Variants in BBC3 observed in about 807,000 individuals in gnomAD.
BBC3 encodes BCL2 binding component 3.
A neutral mutation model predicts 18.2 loss-of-function variants in BBC3; 5 were observed. That is an observed-to-expected ratio of 0.27 (90% CI 0.14 to 0.58). BBC3 has a LOEUF of 0.58. BBC3 is among the 20% of genes least tolerant of loss of function. The pLI, the probability that BBC3 is intolerant of heterozygous loss-of-function variation, is 0.91. For synonymous variants in BBC3, 119 were observed against 128.0 expected, an observed-to-expected ratio of 0.93 and a Z score of 0.47; for missense variants, 224 against 268.9, an observed-to-expected ratio of 0.83 and a Z score of 1.17.
At chr19:47,232,449 G>C (rs2058923504), upstream of BBC3, 1 of 1,428,724 alleles carries the variant, frequency 7.0e-7, no homozygotes, top group East Asian at 2.5e-5. Flanking sequence ...AGTCACACCT[G>C]TGACAGCTTC....
At chr19:47,226,413 T>C in intron 3 of BBC3, 151 bp downstream of exon 3, 1 of 501,334 alleles carries the variant, frequency 2.0e-6, no homozygotes, top group South Asian at 2.6e-5. Context: ...GGGCGCGCGA[T>C]TCCCCCCCAC....
chr19:47,228,175 C>T lies in BBC3; in HGVS notation c.257G>A (p.Arg86Gln). 9.0e-7 allele frequency: 1 copy of T among 1,107,350 alleles called. No homozygotes were observed. Among genetic ancestry groups the T allele is most frequent in the Non-Finnish European group, 1.1e-6 (1 of 910,564 alleles). 68.6% of individuals were successfully genotyped at this position (1,107,350 alleles called of 1,614,324 possible). A position where few individuals can be genotyped will look rare whatever the true frequency, so the allele number is the denominator to read the frequency against. Reference sequence around the variant, plus strand: ...GCACTCACCGTCCGGGCGCGGGCCTCGGGGCCGGCTGCGGGGACCCCCAGG... The same window carrying T: ...GCACTCACCGTCCGGGCGCGGGCCTTGGGGCCGGCTGCGGGGACCCCCAGG... ...RWPGGPRSRP[R>Q]GPRPDGPQPS... Residue 86 changes from arginine (R) to glutamine (Q), a missense_variant, in exon 2 of 4, where the codon CGA becomes CAA. Transcript: ENST00000439096. The surrounding 1 kb of genome is among the most constrained non-coding windows in gnomAD (Gnocchi z 5.5).
At chr19:47,224,883 C>T (rs1019999241) in intron 3 of BBC3, among the ~76,000 whole-genome samples, 2 of 151,550 alleles carry the variant, frequency 1.3e-5, no homozygotes, top group South Asian at 2.1e-4. Flanking sequence ...GGATTACTGG[C>T]GTGTGCCACC....
In BBC3 at chr19:47,221,433, C is replaced by T. The variant is rs542241792; in HGVS notation, c.*369G>A. ...AGGAGCACCGAGAGGAGAGCCCCCCCCTCCCAGTGTCACCCCTGCAGCTGG... is the reference window on the plus strand; with the variant it reads ...AGGAGCACCGAGAGGAGAGCCCCCCTCTCCCAGTGTCACCCCTGCAGCTGG... On this transcript the variant is annotated 3_prime_UTR_variant, in exon 4 of 4. Coordinates refer to ENST00000439096, the MANE Select transcript of BBC3 (RefSeq NM_014417.5). 1.2e-5 allele frequency: 3 copies of T among 254,386 alleles called. No individual in the cohort carries two copies. The highest frequency in any genetic ancestry group is 2.1e-5 in the Non-Finnish European group (3 of 142,336). 15.8% of individuals were successfully genotyped at this position (254,386 alleles called of 1,614,324 possible). A position where few individuals can be genotyped will look rare whatever the true frequency, so the allele number is the denominator to read the frequency against.
chr19:47,222,138 T>G, intron 3 of BBC3: 5 of 491,746 alleles, frequency 1.0e-5, no homozygotes, highest in South Asian at 3.4e-5. Context: ...AGCAGAGAGC[T>G]GGGCACCAAG....
At position 47,230,711 on chromosome 19, in the gene BBC3, C is replaced by T. The variant is rs1365799209; in HGVS notation, c.-16+218G>A. On this transcript the variant is annotated intron_variant, in intron 1 of 3. Coordinates refer to ENST00000439096, the MANE Select transcript of BBC3 (RefSeq NM_014417.5). This position sits in a 1 kb window ranked among gnomAD's most constrained non-coding sequence, Gnocchi z 6.7. Reference sequence around the variant, plus strand: ...ATTGTTTGTAAACAAACCCGCCAGACCGCCGAGGCACCTGTGCGCCCAGAC... The same window carrying T: ...ATTGTTTGTAAACAAACCCGCCAGATCGCCGAGGCACCTGTGCGCCCAGAC... 3 of 984,936 alleles carry T rather than the reference C, an allele frequency of 3.0e-6. No homozygotes were observed. Among genetic ancestry groups the T allele is most frequent in the Non-Finnish European group, 3.6e-6 (3 of 829,530 alleles). The allele number at this position is 984,936 out of a possible 1,614,324, so 61.0% of individuals were successfully genotyped here. A position where few individuals can be genotyped will look rare whatever the true frequency, so the allele number is the denominator to read the frequency against.
rs968369037 is a variant in BBC3 at position 47,231,047 on chromosome 19, C to T, written c.-134G>A. The T allele has an allele frequency of 3.5e-5, 34 of 978,008 alleles. No homozygotes were observed. Among genetic ancestry groups the T allele is most frequent in the Non-Finnish European group, 3.9e-5 (32 of 822,532 alleles). The allele number at this position is 978,008 out of a possible 1,614,324, so 60.6% of individuals were successfully genotyped here. On this transcript the variant is annotated 5_prime_UTR_variant, in exon 1 of 4. Coordinates refer to ENST00000439096, the MANE Select transcript of BBC3 (RefSeq NM_014417.5). This position sits in a 1 kb window ranked among gnomAD's most constrained non-coding sequence, Gnocchi z 4.0. ...GCTGCTGCTGTGGCTGTCGCTGCTG[C>T]TGCCGCTCTAACTGCAGTGGCGGCT...
intron 1 of BBC3, among the ~76,000 whole-genome samples, chr19:47,229,719 T>C (rs2058886721): frequency 6.6e-6 from 1 of 150,940 alleles, no homozygotes; most frequent in Non-Finnish European, 1.5e-5. Context: ...CCGTCTACAC[T>C]GCATAGACCC....
rs2058802319 is a variant in BBC3, at chr19:47,225,375, T to C, written c.465+1189A>G. ...AAATGGCTGTATTTGTTGTTTCTTT[T>C]TTGAGATGGTCTTGCTCTGTCCCCC... On this transcript the variant is annotated intron_variant, in intron 3 of 3. Coordinates refer to ENST00000439096, the MANE Select transcript of BBC3 (RefSeq NM_014417.5). Among the ~76,000 whole-genome samples the C allele has an allele frequency of 7.3e-5, 11 of 151,058 alleles. No homozygotes were observed. The South Asian group carries it at 2.3e-3, about 32-fold the overall frequency.
chr19:47,227,363 T>C (rs956420797), intron 2 of BBC3, among the ~76,000 whole-genome samples: 1 of 77,466 alleles, frequency 1.3e-5, no homozygotes, highest in Non-Finnish European at 2.4e-5. Flanking sequence ...TGCCCTCCCG[T>C]CCCACCAGGT....
In BBC3 at chr19:47,230,915, G is replaced by A. The variant is rs1389828504; in HGVS notation, c.-16+14C>T. 26 of 983,168 alleles carry A rather than the reference G, an allele frequency of 2.6e-5. No homozygotes were observed. Among genetic ancestry groups the A allele is most frequent in the African/African-American group, 3.5e-5 (2 of 57,112 alleles). 60.9% of individuals were successfully genotyped at this position (983,168 alleles called of 1,614,324 possible). Reference sequence around the variant, plus strand: ...CGATCGCCGCCGGAGAGGATTCGGGGCGCGCACACTCACCCCGGGGGCATG... The same window carrying A: ...CGATCGCCGCCGGAGAGGATTCGGGACGCGCACACTCACCCCGGGGGCATG... On this transcript the variant is annotated intron_variant, in intron 1 of 3. Transcript: ENST00000439096. This position sits in a 1 kb window ranked among gnomAD's most constrained non-coding sequence, Gnocchi z 6.7.
At position 47,230,552 on chromosome 19, in the gene BBC3, C is replaced by G. The variant is rs1294297369; in HGVS notation, c.-16+377G>C. On this transcript the variant is annotated intron_variant, in intron 1 of 3. Transcript: ENST00000439096. This position sits in a 1 kb window ranked among gnomAD's most constrained non-coding sequence, Gnocchi z 6.7. The stretch of plus-strand genomic sequence containing the variant: ...CCCGTCGCCGCCCCCAGCGGGCGCG[C>G]GCCCTGGGTGTGGCCGCCCCTCCGT... Among the ~76,000 whole-genome samples, 3 of 151,204 alleles carry G rather than the reference C, an allele frequency of 2.0e-5. No homozygotes were observed. The highest frequency in any genetic ancestry group is 3.0e-5 in the Non-Finnish European group (2 of 67,750).
At position 47,228,699 on chromosome 19, in the gene BBC3, A is replaced by G. The variant is rs982035670; in HGVS notation, c.-15-253T>C. On this transcript the variant is annotated intron_variant, in intron 1 of 3. Coordinates refer to ENST00000439096, the MANE Select transcript of BBC3 (RefSeq NM_014417.5). This position sits in a 1 kb window ranked among gnomAD's most constrained non-coding sequence, Gnocchi z 5.5. ...GGGGCACAGGACGGCTCTCACAGCA[A>G]GGACAGGGCTCACACAGGACGGATG... Among the ~76,000 whole-genome samples the G allele has an allele frequency of 1.3e-5, 2 of 152,044 alleles. No homozygotes were observed. Among genetic ancestry groups the G allele is most frequent in the African/African-American group, 2.4e-5 (1 of 41,388 alleles).
upstream of BBC3, among the ~76,000 whole-genome samples, chr19:47,231,639 CA>C (rs1266410764): frequency 6.6e-6 from 1 of 152,162 alleles, no homozygotes; most frequent in Non-Finnish European, 1.5e-5. This position sits in a 1 kb window ranked among gnomAD's most constrained non-coding sequence, Gnocchi z 4.0. Flanking sequence ...ACACCATGGA[CA>C]GGGGCATGAG....
chr19:47,232,600 C>A, upstream of BBC3: 1 of 1,531,774 alleles, frequency 6.5e-7, no homozygotes, highest in Non-Finnish European at 8.8e-7. Context: ...TGCCAAATTT[C>A]ATCCTGTCTC....
At chr19:47,232,592 C>A (rs1168816861), upstream of BBC3, 1 of 1,535,178 alleles carries the variant, frequency 6.5e-7, no homozygotes, top group Admixed American at 2.0e-5. Context: ...AGACCCCATG[C>A]CAAATTTCAT....
Position 47,221,028 on chromosome 19 carries a change from G to A in BBC3, c.*774C>T, listed in dbSNP as rs1332769246. The A allele has an allele frequency of 4.8e-5, 7 of 145,520 alleles. No individual in the cohort carries two copies. Among genetic ancestry groups the A allele is most frequent in the Admixed American group, 4.1e-4 (6 of 14,500 alleles). 9.0% of individuals were successfully genotyped at this position (145,520 alleles called of 1,614,324 possible). ...TCCCTGACTCCCCGTCTTCCCCCCA[G>A]CGCTTGGCCCTGGGGACTAAGGCTG... On this transcript the variant is annotated 3_prime_UTR_variant, in exon 4 of 4. Transcript: ENST00000439096.
In BBC3 at chr19:47,228,211, C is replaced by A. The variant is rs1158511027; in HGVS notation, c.221G>T (p.Gly74Val). The A allele has an allele frequency of 1.8e-5, 22 of 1,223,256 alleles. No homozygotes were observed. The highest frequency in any genetic ancestry group is 2.2e-5 in the Non-Finnish European group (22 of 982,528). The allele number at this position is 1,223,256 out of a possible 1,614,324, so 75.8% of individuals were successfully genotyped here. Reference sequence around the variant, plus strand: ...GCGGGGACCCCCAGGCCAGCGGGAACCCCCCAGGGCGGCGGTGACGGCGGG... The same window carrying A: ...GCGGGGACCCCCAGGCCAGCGGGAAACCCCCAGGGCGGCGGTGACGGCGGG... ...APPAVTAALG[G>V]SRWPGGPRSR... The change falls in exon 2 of 4, where the codon GGT becomes GTT. Residue 74 changes from glycine to valine, a missense_variant. Gly to Val is a moderately radical substitution (Grantham distance 109, BLOSUM62 -3). Transcript: ENST00000439096. The surrounding 1 kb of genome is among the most constrained non-coding windows in gnomAD (Gnocchi z 5.5).
At chr19:47,226,775 C>G in intron 2 of BBC3, 21 bp from the exon 3 acceptor site, 1 of 1,378,256 alleles carries the variant, frequency 7.3e-7, no homozygotes, top group Non-Finnish European at 9.4e-7. Flanking sequence ...CAGAGGGGCG[C>G]GGTCAGCACC....
Sources: gnomAD v4.1 joint callset for allele counts (sites outside exome capture counted in the v4.1 genomes callset) on GRCh38, gnomAD v4.1.1 for gene constraint, Gnocchi (gnomAD v3.1) non-coding constraint, MANE v1.5 for transcripts, NCBI Gene and HGNC (gene_info 2026-07-23, HGNC 2026-07-21) for gene names.